Variants in PCNP observed in about 807,000 individuals in gnomAD.
PCNP encodes the protein PEST proteolytic signal-containing nuclear protein.
In PCNP, 6 loss-of-function variants were observed where a neutral mutation model predicts 21.8. The ratio of observed to expected loss-of-function variants is 0.28; its 90% CI spans 0.15 to 0.54. The LOEUF is 0.54. PCNP is among the 20% of genes least tolerant of loss of function. PCNP has a pLI of 0.95. For missense variants in PCNP, 161 were observed against 215.5 expected, an observed-to-expected ratio of 0.75 and a Z score of 1.58; for synonymous variants, 67 against 73.2, an observed-to-expected ratio of 0.92 and a Z score of 0.43.
chr3:101,582,560 C>A (rs1935281566), intron 2 of PCNP, among the ~76,000 whole-genome samples: 1 of 152,122 alleles, frequency 6.6e-6, no homozygotes, highest in Non-Finnish European at 1.5e-5. Flanking sequence ...GTTAATCAGC[C>A]AACAAATGCT....
At chr3:101,585,369 C>A in intron 2 of PCNP, 68 bp from the exon 3 acceptor site, 1 of 890,614 alleles carries the variant, frequency 1.1e-6, no homozygotes, top group Non-Finnish European at 1.8e-6. Context: ...ATAAATTATT[C>A]ATATCATTAA....
chr3:101,586,601 C>CAGAGAG (rs59827485), intron 3 of PCNP, among the ~76,000 whole-genome samples: 15 of 133,366 alleles, frequency 1.1e-4, no homozygotes, highest in African/African-American at 1.4e-4. Context: ...TTTCTTGTTT[C>CAGAGAG]AGAGAGAGAG....
At chr3:101,576,584 C>T in intron 1 of PCNP, 6 of 1,611,076 alleles carry the variant, frequency 3.7e-6, no homozygotes, top group East Asian at 2.2e-5. Flanking sequence ...TGACGCAGCC[C>T]TCTATGGGCC....
chr3:101,577,066 C>T, intron 1 of PCNP: 1 of 673,042 alleles, frequency 1.5e-6, no homozygotes, highest in South Asian at 1.6e-5. Flanking sequence ...ACCTCGTGAT[C>T]CGCCCGCCTC....
At chr3:101,587,816 G>T (rs1226623801) in intron 3 of PCNP, among the ~76,000 whole-genome samples, 1 of 152,072 alleles carries the variant, frequency 6.6e-6, no homozygotes, top group Non-Finnish European at 1.5e-5. Context: ...AGGGAAGAAC[G>T]ATACAGGATG....
rs1398613066 is a variant in PCNP, at chr3:101,594,087, C to T, written c.*1334C>T. 1.3e-5 allele frequency: 2 copies of T among 152,514 alleles called. No homozygotes were observed. The highest frequency in any genetic ancestry group is 3.9e-4 in the East Asian group (2 of 5,192). 9.4% of individuals were successfully genotyped at this position (152,514 alleles called of 1,614,324 possible). A position where few individuals can be genotyped will look rare whatever the true frequency, so the allele number is the denominator to read the frequency against. ...CAGACTGTTTTATTGGTGGTAGCTG[C>T]TTGCTGAGGTCTTTTAGTTGGTAAT... On this transcript the variant is annotated 3_prime_UTR_variant, in exon 5 of 5. Transcript: ENST00000265260.
intron 3 of PCNP, among the ~76,000 whole-genome samples, chr3:101,589,502 C>T (rs930940742): frequency 6.6e-6 from 1 of 151,950 alleles, no homozygotes; most frequent in Admixed American, 6.6e-5. Flanking sequence ...CCTTTGCCTC[C>T]CGAATTCAAG....
chr3:101,575,873 G>A (rs1043346260), intron 1 of PCNP, among the ~76,000 whole-genome samples: 4 of 152,184 alleles, frequency 2.6e-5, no homozygotes, highest in African/African-American at 9.7e-5. Context: ...GGGAGAAGTA[G>A]TAGAGAATTA....
Position 101,593,577 on chromosome 3 carries a change from G to A in PCNP, c.*824G>A, listed in dbSNP as rs531593951. On this transcript the variant is annotated 3_prime_UTR_variant, in exon 5 of 5. Transcript: ENST00000265260. Reference sequence around the variant, plus strand: ...ACAAACCACCACCAAAAATTTAAATGTACATATTGCTTAAGTATTTGGCTG... The same window carrying A: ...ACAAACCACCACCAAAAATTTAAATATACATATTGCTTAAGTATTTGGCTG... 18 of 152,492 alleles carry A rather than the reference G, an allele frequency of 1.2e-4. No homozygotes were observed. The highest frequency in any genetic ancestry group is 4.1e-4 in the African/African-American group (17 of 41,498). 9.4% of individuals were successfully genotyped at this position (152,492 alleles called of 1,614,324 possible). A position where few individuals can be genotyped will look rare whatever the true frequency, so the allele number is the denominator to read the frequency against.
chr3:101,574,348 G>A, intron 1 of PCNP, 69 bp downstream of exon 1: 1 of 1,477,364 alleles, frequency 6.8e-7, no homozygotes, highest in Non-Finnish European at 9.1e-7. Flanking sequence ...CCCAGGGTGG[G>A]GGGAGTGGGG....
At chr3:101,585,404 CATG>C in intron 2 of PCNP, 30 bp from the exon 3 acceptor site, 5 of 1,194,662 alleles carry the variant, frequency 4.2e-6, no homozygotes, top group Non-Finnish European at 3.7e-6. Context: ...ATGTTATCTA[CATG>C]ATATTCTTTT....
At chr3:101,584,482 G>C (rs572867191) in intron 2 of PCNP, among the ~76,000 whole-genome samples, 9 of 152,308 alleles carry the variant, frequency 5.9e-5, no homozygotes, top group Admixed American at 3.3e-4. Context: ...GAAAGGGACA[G>C]AACAAAAGGT....
chr3:101,585,532 G>GT (rs1318590641), intron 3 of PCNP, 21 bp downstream of exon 3: 7 of 1,532,104 alleles, frequency 4.6e-6, no homozygotes, highest in East Asian at 4.5e-5. Flanking sequence ...ATCGAGTTTT[G>GT]TTTTTTTACT....
At chr3:101,589,541 G>C (rs1282238115) in intron 3 of PCNP, among the ~76,000 whole-genome samples, 4 of 151,952 alleles carry the variant, frequency 2.6e-5, no homozygotes, top group Non-Finnish European at 1.5e-5. Context: ...CTCCTGAGTA[G>C]CTGGGATTAC....
chr3:101,577,588 G>A (rs1428892617), intron 1 of PCNP, among the ~76,000 whole-genome samples: 4 of 152,196 alleles, frequency 2.6e-5, no homozygotes. Flanking sequence ...GTAGTGGCAT[G>A]ATCTCAGCTC....
At position 101,574,194 on chromosome 3, in the gene PCNP, A is replaced by C. The variant is rs1038747526; in HGVS notation, c.-22A>C. 6.5e-7 allele frequency: 1 copy of C among 1,548,860 alleles called. No individual in the cohort carries two copies. Among genetic ancestry groups the C allele is most frequent in the Admixed American group, 2.0e-5 (1 of 50,716 alleles). On this transcript the variant is annotated 5_prime_UTR_variant, in exon 1 of 5. Coordinates refer to ENST00000265260, the MANE Select transcript of PCNP (RefSeq NM_020357.3). ...GTCGTGACGTCCTTGGCGTGGCTGC[A>C]GGGGAGGCCGCGGCGGGGAAAATGG...
chr3:101,577,300 A>G (rs952181025), intron 1 of PCNP, among the ~76,000 whole-genome samples: 1 of 152,196 alleles, frequency 6.6e-6, no homozygotes, highest in Non-Finnish European at 1.5e-5. Flanking sequence ...AGTCATACAT[A>G]ATCATGGCCA....
upstream of PCNP, chr3:101,574,139 G>A: frequency 6.6e-7 from 1 of 1,513,662 alleles, no homozygotes; most frequent in Non-Finnish European, 8.9e-7. Flanking sequence ...ACGCCGGCTG[G>A]CCCCAAAAAC....
rs531268046 is a variant in PCNP at position 101,576,329 on chromosome 3, G to A, written c.64+2050G>A. Among the ~76,000 whole-genome samples, 17 of 150,854 alleles carry A rather than the reference G, an allele frequency of 1.1e-4. No homozygotes were observed. In the South Asian group the frequency reaches 3.4e-3, roughly 30 times the overall value. ...GGCGCACTGCAAACTCCGTCTCCCC[G>A]ATTCAAGTGATTTTCCTGCCTCAGC... On this transcript the variant is annotated intron_variant, in intron 1 of 4. Transcript: ENST00000265260.
Sources: allele counts gnomAD v4.1 joint callset (sites outside exome capture counted in the v4.1 genomes callset), GRCh38; gene constraint gnomAD v4.1.1; transcripts MANE v1.5; gene names NCBI Gene and HGNC (gene_info 2026-07-23, HGNC 2026-07-21).